EYS: variants seen among roughly 807,000 people sequenced by gnomAD.
The protein encoded by EYS is EGF-like photoreceptor maintenance factor.
Under a neutral mutation model 282.1 loss-of-function variants are expected in EYS, and 250 were observed. That is an observed-to-expected ratio of 0.89 (90% confidence interval 0.80 to 0.98). The LOEUF (loss-of-function observed/expected upper bound fraction) is 0.98, where lower values mean the gene tolerates loss of function less well. EYS is among the 50% of genes least tolerant of loss of function. The pLI is 0.00. For missense variants in EYS, 4,016 were observed against 3,709.0 expected (o/e 1.08, Z -2.15); for synonymous variants, 1,355 against 1,282.9 (o/e 1.06, Z -1.20).
intron 13 of EYS, among the ~76,000 whole-genome samples, chr6:65,032,678 T>TC (rs1272554829): frequency 4.8e-5 from 7 of 145,454 alleles, no homozygotes; most frequent in East Asian, 2.1e-4. Flanking sequence ...TATCTCTCTC[T>TC]TTTTTTTTTT....
chr6:64,606,074 ATTG>A (rs1040415986), intron 24 of EYS, among the ~76,000 whole-genome samples: 4 of 151,834 alleles, frequency 2.6e-5, no homozygotes, highest in African/African-American at 9.7e-5. Flanking sequence ...CTGTGTTATA[ATTG>A]TTGTTTTGCA....
chr6:64,597,825 T>C (rs1310839721), intron 24 of EYS, among the ~76,000 whole-genome samples: 1 of 152,130 alleles, frequency 6.6e-6, no homozygotes, highest in Non-Finnish European at 1.5e-5. Context: ...ATATAGACAG[T>C]CACGTAACAA....
At chr6:64,767,335 G>A (rs1161786955) in intron 22 of EYS, among the ~76,000 whole-genome samples, 1 of 152,024 alleles carries the variant, frequency 6.6e-6, no homozygotes, top group Non-Finnish European at 1.5e-5. Context: ...GCTAATTATA[G>A]TCACCCTGCA....
intron 26 of EYS, among the ~76,000 whole-genome samples, chr6:64,461,339 T>C (rs1236321125): frequency 2.0e-5 from 3 of 152,162 alleles, no homozygotes; most frequent in East Asian, 1.9e-4. Context: ...CTGGATTATA[T>C]TGTGGAGAAA....
At chr6:64,172,777 A>G (rs768149359) in intron 31 of EYS, among the ~76,000 whole-genome samples, 6 of 152,154 alleles carry the variant, frequency 3.9e-5, no homozygotes, top group Non-Finnish European at 7.3e-5. Context: ...TTTCAGATCA[A>G]TGGTGACATT....
intron 5 of EYS, among the ~76,000 whole-genome samples, chr6:65,435,864 G>A (rs949266009): frequency 6.6e-6 from 1 of 152,066 alleles, no homozygotes; most frequent in Non-Finnish European, 1.5e-5. Context: ...GGACATAGAG[G>A]CACAGAGGGA....
At chr6:65,353,949 A>G (rs1393687) in intron 8 of EYS, among the ~76,000 whole-genome samples, 102,860 of 151,828 alleles carry the variant, frequency 0.68, 34,932 homozygotes, top group South Asian at 0.71. Context: ...TAAGAGATAC[A>G]CCATTTAAAA....
chr6:64,766,649 A>AAT (rs70999172), intron 22 of EYS, among the ~76,000 whole-genome samples: 767 of 19,058 alleles, frequency 0.04, 77 homozygotes, highest in Non-Finnish European at 0.061. Flanking sequence ...AAAAAAAAAA[A>AAT]ATATATATAT....
chr6:64,213,564 C>A (rs948960648), intron 31 of EYS, among the ~76,000 whole-genome samples: 4 of 152,058 alleles, frequency 2.6e-5, no homozygotes, highest in Non-Finnish European at 5.9e-5. Flanking sequence ...ATGAAAACCT[C>A]TATATATACA....
At chr6:64,448,486 T>C (rs988393708) in intron 26 of EYS, among the ~76,000 whole-genome samples, 1 of 152,198 alleles carries the variant, frequency 6.6e-6, no homozygotes, top group African/African-American at 2.4e-5. Flanking sequence ...AATGTCCCTG[T>C]CCGATAGCTT....
At chr6:64,714,667 A>G (rs932275436) in intron 22 of EYS, among the ~76,000 whole-genome samples, 10 of 151,818 alleles carry the variant, frequency 6.6e-5, no homozygotes, top group African/African-American at 2.2e-4. Flanking sequence ...CTGGGACTAT[A>G]GGAGCCTGCC....
chr6:65,433,069 G>A (rs1447207739), intron 5 of EYS, among the ~76,000 whole-genome samples: 2 of 152,030 alleles, frequency 1.3e-5, no homozygotes, highest in African/African-American at 2.4e-5. Context: ...TATATAATAG[G>A]TACCATTAAG....
intron 35 of EYS, among the ~76,000 whole-genome samples, chr6:63,901,175 G>C (rs1217904556): frequency 3.9e-5 from 6 of 152,140 alleles, no homozygotes; most frequent in Non-Finnish European, 8.8e-5. Context: ...CCAGTGAAGA[G>C]TTAGAAATTA....
At chr6:65,122,682 T>C (rs568275247) in intron 12 of EYS, among the ~76,000 whole-genome samples, 1 of 152,250 alleles carries the variant, frequency 6.6e-6, no homozygotes, top group Non-Finnish European at 1.5e-5. Flanking sequence ...ATTAAACATT[T>C]ATTGAAGTTA....
rs532236257 is a variant in EYS, at chr6:65,168,542, GTAAGGACAC to G, written c.2024-110824_2024-110816del. Among the ~76,000 whole-genome samples, 177 of 151,108 alleles carry G rather than the reference GTAAGGACAC, an allele frequency of 1.2e-3. 1 individual carries two copies. The highest frequency in any genetic ancestry group is 1.9e-3 in the Admixed American group (29 of 15,128). ...AAGCTATCTCTCTTGGGTCTGTTTTGTAAGGACACTAATCCTATTCATGAGGGCTACACT... is the reference window on the plus strand; with the variant it reads ...AAGCTATCTCTCTTGGGTCTGTTTTGTAATCCTATTCATGAGGGCTACACT... On this transcript the variant is annotated intron_variant, in intron 12 of 42. Transcript: ENST00000503581.
chr6:64,140,701 G>C (rs1320691941), intron 31 of EYS, among the ~76,000 whole-genome samples: 6 of 152,102 alleles, frequency 3.9e-5, no homozygotes. Flanking sequence ...CTACACAGCT[G>C]GCTCTCTCAC....
At chr6:64,896,047 T>G (rs372798623) in intron 18 of EYS, among the ~76,000 whole-genome samples, 4 of 152,092 alleles carry the variant, frequency 2.6e-5, no homozygotes, top group East Asian at 1.9e-4. Context: ...TTATATTCAA[T>G]AAATACAACT....
At chr6:64,136,663 T>C (rs1441438837) in intron 31 of EYS, among the ~76,000 whole-genome samples, 1 of 152,290 alleles carries the variant, frequency 6.6e-6, no homozygotes, top group East Asian at 1.9e-4. Flanking sequence ...ACATTTGTCA[T>C]GAGCAGTAAT....
chr6:64,888,867 C>A (rs1767183637), intron 18 of EYS, among the ~76,000 whole-genome samples: 1 of 151,952 alleles, frequency 6.6e-6, no homozygotes, highest in Admixed American at 6.6e-5. Flanking sequence ...AGAAATTGGA[C>A]ACAGAATTCT....
Sources: allele counts gnomAD v4.1 joint callset (sites outside exome capture counted in the v4.1 genomes callset), GRCh38; gene constraint gnomAD v4.1.1; transcripts MANE v1.5; gene names NCBI Gene and HGNC (gene_info 2026-07-23, HGNC 2026-07-21).